The following ASH1L variants were observed in gnomAD, a reference collection of about 807,000 sequenced individuals.
ASH1L encodes the protein histone-lysine N-methyltransferase ASH1L.
In ASH1L, 23 loss-of-function variants were observed where a neutral mutation model predicts 269.0. The ratio of observed to expected loss-of-function variants is 0.09; its 90% confidence interval spans 0.06 to 0.12. ASH1L has a LOEUF of 0.12. Among genes scored for constraint, ASH1L ranks in the 10% least tolerant of loss-of-function variants. The pLI, the probability that ASH1L is intolerant of heterozygous loss-of-function variation, is 1.00. For missense variants in ASH1L, 2,912 were observed against 3,567.8 expected, an observed-to-expected ratio of 0.82 and a Z score of 4.68; for synonymous variants, 1,187 against 1,253.5, an observed-to-expected ratio of 0.95 and a Z score of 1.12.
intron 6 of ASH1L, among the ~76,000 whole-genome samples, chr1:155,404,995 G>A (rs1266095681): frequency 1.3e-5 from 2 of 151,220 alleles, no homozygotes; most frequent in Admixed American, 1.3e-4. Context: ...ACCACTGCAC[G>A]CCAGCCTGGT....
intron 20 of ASH1L, among the ~76,000 whole-genome samples, 197 bp downstream of exon 20, chr1:155,347,459 G>A (rs989405691): frequency 1.3e-5 from 2 of 152,068 alleles, no homozygotes; most frequent in African/African-American, 4.8e-5. Context: ...GAAAGAAAAA[G>A]AAGGGAAGGA....
intron 3 of ASH1L, among the ~76,000 whole-genome samples, chr1:155,463,853 G>A (rs1484235875): frequency 1.3e-5 from 2 of 152,048 alleles, no homozygotes; most frequent in Non-Finnish European, 2.9e-5. Context: ...TAGGGAGCTA[G>A]AACTAACCTA....
intron 2 of ASH1L, among the ~76,000 whole-genome samples, chr1:155,492,736 C>G (rs895088879): frequency 1.3e-5 from 2 of 150,866 alleles, no homozygotes; most frequent in African/African-American, 4.9e-5. Flanking sequence ...TATTTGAAAA[C>G]AAGTAGGTTT....
intron 1 of ASH1L, among the ~76,000 whole-genome samples, chr1:155,547,463 G>T (rs1217156269): frequency 6.6e-6 from 1 of 151,914 alleles, no homozygotes; most frequent in East Asian, 1.9e-4. Flanking sequence ...AATGAGATCG[G>T]CTCGGTGAGG....
chr1:155,419,567 C>T (rs1660504726), intron 5 of ASH1L: 1 of 152,082 alleles, frequency 6.6e-6, no homozygotes, highest in South Asian at 2.1e-4. Context: ...CGAACAGATG[C>T]ACATCTACCT....
chr1:155,450,415 A>C (rs899752788), intron 4 of ASH1L, among the ~76,000 whole-genome samples: 1 of 152,242 alleles, frequency 6.6e-6, no homozygotes, highest in African/African-American at 2.4e-5. Context: ...ATGAGACTCT[A>C]TCCCATGTAT....
rs1652324453 is a variant in ASH1L, at chr1:155,336,413, A to G, written c.*1247T>C. Reference sequence around the variant, plus strand: ...CATACACACATATATATACACACACACACACAACTTGGCACATTTAAAAAC... The same window carrying G: ...CATACACACATATATATACACACACGCACACAACTTGGCACATTTAAAAAC... On this transcript the variant is annotated 3_prime_UTR_variant, in exon 28 of 28. Coordinates refer to ENST00000392403, the MANE Select transcript of ASH1L (RefSeq NM_018489.3). 1 of 152,524 alleles carries G rather than the reference A, an allele frequency of 6.6e-6. No homozygotes were observed. The highest frequency in any genetic ancestry group is 1.5e-5 in the Non-Finnish European group (1 of 68,010). The allele number at this position is 152,524 out of a possible 1,614,324, so 9.4% of individuals were successfully genotyped here.
chr1:155,499,365 G>A (rs1667362104), intron 2 of ASH1L, among the ~76,000 whole-genome samples: 1 of 152,078 alleles, frequency 6.6e-6, no homozygotes, highest in Non-Finnish European at 1.5e-5. Flanking sequence ...AAAAACCACT[G>A]CAAATCTGAC....
At chr1:155,512,259 G>A (rs574437238) in intron 2 of ASH1L, among the ~76,000 whole-genome samples, 89 of 151,790 alleles carry the variant, frequency 5.9e-4, no homozygotes, top group South Asian at 1.3e-3. Context: ...CAAAAGATCC[G>A]CCAGGCGCAG....
Position 155,480,115 on chromosome 1 carries a change from G to C in ASH1L, c.2755C>G (p.Pro919Ala), listed in dbSNP as rs1240734017. The change falls in exon 3 of 28, where the codon CCA becomes GCA. Residue 919 changes from proline (P) to alanine (A), a missense_variant. Physicochemically the swap from Pro to Ala is conservative, Grantham distance 27. Around this residue, in one of 13 missense-constraint regions of ASH1L, gnomAD observed 715 missense variants for 721.0 expected, o/e 0.99. Transcript: ENST00000392403. ...SVAPFVATES[P>A]SKLESESDNH... ...TCACTTTCAGATTCTAGCTTGCTTG[G>C]ACTTTCAGTGGCAACAAATGGAGCC... 1 of 1,614,068 alleles carries C rather than the reference G, an allele frequency of 6.2e-7. No individual in the cohort carries two copies. Among genetic ancestry groups the C allele is most frequent in the Non-Finnish European group, 8.5e-7 (1 of 1,179,996 alleles).
intron 5 of ASH1L, chr1:155,434,357 T>C: frequency 1.3e-6 from 2 of 1,518,492 alleles, no homozygotes; most frequent in South Asian, 1.2e-5. Flanking sequence ...AATTAAGTTC[T>C]TCATTCACTA....
intron 12 of ASH1L, chr1:155,370,062 C>T (rs1362243548): frequency 5.1e-5 from 9 of 177,538 alleles, no homozygotes; most frequent in East Asian, 4.3e-4. Context: ...CCAACACACC[C>T]GGCCTATTAT....
In ASH1L at chr1:155,479,653, G is replaced by A. The variant is rs1665815233; in HGVS notation, c.3217C>T (p.Leu1073Phe). The change falls in exon 3 of 28, where the codon CTT (leucine) becomes TTT (phenylalanine). Residue 1073 changes from leucine (L) to phenylalanine (F), a missense_variant. Leu to Phe is a conservative substitution (Grantham distance 22, BLOSUM62 0). Around this residue, in one of 13 missense-constraint regions of ASH1L, gnomAD observed 157 missense variants for 154.6 expected, o/e 1.02. Transcript: ENST00000392403. ...LSGSPTSLAV[L>F]EQTAQQAAGS... ...GCTGCCTGTTGAGCTGTTTGCTCAA[G>A]AACAGCAAGGCTAGTAGGACTACCA... The A allele has an allele frequency of 5.6e-6, 9 of 1,614,180 alleles. No homozygotes were observed. The highest frequency in any genetic ancestry group is 7.6e-6 in the Non-Finnish European group (9 of 1,180,012).
intron 1 of ASH1L, among the ~76,000 whole-genome samples, chr1:155,553,425 A>G (rs935595999): frequency 1.3e-5 from 2 of 152,216 alleles, no homozygotes; most frequent in African/African-American, 4.8e-5. Flanking sequence ...TTGATAGAAG[A>G]TATCTAATTA....
chr1:155,376,772 T>C (rs1656487279), intron 10 of ASH1L, among the ~76,000 whole-genome samples: 1 of 151,380 alleles, frequency 6.6e-6, no homozygotes. Context: ...GGAGAATCTC[T>C]TGAACCCGGG....
Position 155,438,426 on chromosome 1 carries a change from T to G in ASH1L, c.5729A>C (p.His1910Pro), listed in dbSNP as rs1404300189. ...ACCTTTTCTCTTCAACCCCTTTTTA[T>G]GTTCTGGGTTCAGATTTACACTCTG... ...VVQSVNLNPE[H>P]KKGLKRKGWL... The change falls in exon 5 of 28, where the codon CAT (histidine) becomes CCT (proline). Residue 1910 changes from histidine to proline, a missense_variant. Physicochemically the swap from His to Pro is moderately conservative, Grantham distance 77. Around this residue, in one of 13 missense-constraint regions of ASH1L, gnomAD observed 789 missense variants for 897.6 expected, o/e 0.88. Coordinates refer to ENST00000392403, the MANE Select transcript of ASH1L (RefSeq NM_018489.3). The G allele has an allele frequency of 2.5e-6, 4 of 1,613,554 alleles. No homozygotes were observed. In the Admixed American group the frequency reaches 5.0e-5, roughly 20 times the overall value.
intron 12 of ASH1L, 61 bp downstream of exon 12, chr1:155,370,443 C>T (rs1655842674): frequency 6.2e-7 from 1 of 1,602,406 alleles, no homozygotes. Context: ...AGATCAATCC[C>T]TTGCTGCACT....
intron 2 of ASH1L, among the ~76,000 whole-genome samples, chr1:155,498,980 G>A (rs1570991075): frequency 6.7e-6 from 1 of 148,960 alleles, no homozygotes; most frequent in Non-Finnish European, 1.5e-5. Flanking sequence ...GGTCAAGAAT[G>A]CATTTTAATA....
At chr1:155,435,325 A>G (rs1662001758) in intron 5 of ASH1L, among the ~76,000 whole-genome samples, 1 of 152,190 alleles carries the variant, frequency 6.6e-6, no homozygotes. Context: ...AAAAAGCAAG[A>G]TCTAGTCAAT....
Sources: gnomAD v4.1 joint callset for allele counts (sites outside exome capture counted in the v4.1 genomes callset) on GRCh38, gnomAD v4.1.1 for gene constraint, gnomAD v4.1.1 regional missense constraint, MANE v1.5 for transcripts, NCBI Gene and HGNC (gene_info 2026-07-23, HGNC 2026-07-21) for gene names.